The following TMEM117 variants were observed in gnomAD, a reference collection of about 807,000 sequenced individuals.
TMEM117 encodes the protein transmembrane protein 117.
A neutral mutation model predicts 52.4 loss-of-function variants in TMEM117; 27 were observed. The observed-to-expected ratio is 0.51, with a 90% CI of 0.38 to 0.71. The LOEUF (loss-of-function observed/expected upper bound fraction) is 0.71, where lower values mean the gene tolerates loss of function less well. Among genes scored for constraint, TMEM117 ranks in the 30% least tolerant of loss-of-function variants. TMEM117 has a pLI of 0.00. For missense variants in TMEM117, 556 were observed against 630.5 expected (o/e 0.88, Z 1.26); for synonymous variants, 215 against 206.3 (o/e 1.04, Z -0.36).
At chr12:44,065,490 C>G (rs931771361) in intron 3 of TMEM117, among the ~76,000 whole-genome samples, 13 of 152,122 alleles carry the variant, frequency 8.5e-5, no homozygotes, top group Non-Finnish European at 1.8e-4. Flanking sequence ...TCCTTAGTAC[C>G]TAGTACAGTT....
chr12:44,233,891 C>A (rs1282662122), intron 5 of TMEM117, among the ~76,000 whole-genome samples: 1 of 151,364 alleles, frequency 6.6e-6, no homozygotes, highest in Admixed American at 6.6e-5. Context: ...ATTAACAGTG[C>A]ATTTATGAAC....
At chr12:43,857,313 C>CT (rs10625731) in intron 2 of TMEM117, among the ~76,000 whole-genome samples, 7,309 of 147,998 alleles carry the variant, frequency 0.049, 389 homozygotes, top group African/African-American at 0.13. Flanking sequence ...TTTCTAGGTA[C>CT]TTTTTTTTTT....
intron 5 of TMEM117, among the ~76,000 whole-genome samples, chr12:44,262,432 G>T (rs923260431): frequency 6.6e-6 from 1 of 152,210 alleles, no homozygotes; most frequent in Non-Finnish European, 1.5e-5. Context: ...AAACAGAGAA[G>T]TCTGTTCATT....
chr12:44,328,988 G>A (rs1408372680), intron 6 of TMEM117, among the ~76,000 whole-genome samples: 1 of 151,632 alleles, frequency 6.6e-6, no homozygotes, highest in South Asian at 2.1e-4. Flanking sequence ...GATGCCACAT[G>A]GGTCGCAGAA....
chr12:43,946,827 G>T (rs1275120804), intron 3 of TMEM117, among the ~76,000 whole-genome samples: 1 of 152,140 alleles, frequency 6.6e-6, no homozygotes, highest in African/African-American at 2.4e-5. Context: ...AGAATAGTTA[G>T]CCTAGAATTT....
Position 44,308,769 on chromosome 12 carries a change from G to A in TMEM117, c.768+9030G>A, listed in dbSNP as rs191721984. Among the ~76,000 whole-genome samples the A allele has an allele frequency of 5.9e-5, 9 of 152,184 alleles. No individual in the cohort carries two copies. In the East Asian group the frequency reaches 1.4e-3, roughly 23 times the overall value. On this transcript the variant is annotated intron_variant, in intron 6 of 7. Coordinates refer to ENST00000266534, the MANE Select transcript of TMEM117 (RefSeq NM_032256.3). Reference sequence around the variant, plus strand: ...CCAGTAGCTGGGACTACAGGCGCCTGCCACCGCGCCCGGCTAATTTTTTGT... The same window carrying A: ...CCAGTAGCTGGGACTACAGGCGCCTACCACCGCGCCCGGCTAATTTTTTGT...
chr12:43,960,293 G>A (rs904605457), intron 3 of TMEM117, among the ~76,000 whole-genome samples: 2 of 151,780 alleles, frequency 1.3e-5, no homozygotes, highest in Non-Finnish European at 2.9e-5. Flanking sequence ...GCCCTGGAGA[G>A]GGGGGTTGAG....
chr12:43,921,867 T>C (rs1469793119), intron 2 of TMEM117, among the ~76,000 whole-genome samples: 5 of 152,062 alleles, frequency 3.3e-5, no homozygotes, highest in Non-Finnish European at 7.4e-5. Context: ...ATTCTTTCCA[T>C]TCCACTGACT....
intron 5 of TMEM117, among the ~76,000 whole-genome samples, chr12:44,265,249 A>C (rs550986939): frequency 1.3e-5 from 2 of 152,198 alleles, no homozygotes; most frequent in Non-Finnish European, 2.9e-5. Context: ...CCAGAAACAA[A>C]GGAAGGGCCA....
At chr12:44,004,710 A>C (rs969390650) in intron 3 of TMEM117, among the ~76,000 whole-genome samples, 21 of 152,112 alleles carry the variant, frequency 1.4e-4, no homozygotes, top group African/African-American at 5.1e-4. Flanking sequence ...TAAGAGCATA[A>C]ATATTGTCTA....
intron 5 of TMEM117, among the ~76,000 whole-genome samples, chr12:44,277,414 T>TA (rs574183369): frequency 1.1e-4 from 16 of 151,338 alleles, no homozygotes; most frequent in Middle Eastern, 3.4e-3. Flanking sequence ...TTTGATATCT[T>TA]AAAAAAAAAG....
chr12:43,996,591 T>C (rs1592425378), intron 3 of TMEM117, among the ~76,000 whole-genome samples: 2 of 151,890 alleles, frequency 1.3e-5, no homozygotes, highest in East Asian at 3.9e-4. Context: ...TGCAGTGAGC[T>C]GAGATCACGC....
intron 5 of TMEM117, among the ~76,000 whole-genome samples, chr12:44,230,806 T>C (rs563741078): frequency 6.6e-6 from 1 of 152,180 alleles, no homozygotes; most frequent in South Asian, 2.1e-4. Flanking sequence ...CTCTTTGACA[T>C]TCTTTGCTCT....
At chr12:44,051,345 A>G (rs1054929785) in intron 3 of TMEM117, among the ~76,000 whole-genome samples, 1 of 152,224 alleles carries the variant, frequency 6.6e-6, no homozygotes, top group African/African-American at 2.4e-5. Context: ...GACGATATCC[A>G]CATCTGTTCT....
chr12:44,267,211 C>T (rs547925750), intron 5 of TMEM117, among the ~76,000 whole-genome samples: 4 of 151,524 alleles, frequency 2.6e-5, no homozygotes, highest in African/African-American at 7.3e-5. Flanking sequence ...TGTAATTTTC[C>T]GTGTATGGGC....
At chr12:44,071,506 T>A (rs1947301736) in intron 3 of TMEM117, among the ~76,000 whole-genome samples, 1 of 152,224 alleles carries the variant, frequency 6.6e-6, no homozygotes, top group Non-Finnish European at 1.5e-5. Context: ...TATAACAACG[T>A]GTGAAAGATG....
chr12:44,069,443 T>G (rs942504674), intron 3 of TMEM117, among the ~76,000 whole-genome samples: 1 of 151,988 alleles, frequency 6.6e-6, no homozygotes, highest in Non-Finnish European at 1.5e-5. Flanking sequence ...TGTTCCAAAT[T>G]GAAGAATCAG....
At chr12:44,277,744 C>T (rs908410645) in intron 5 of TMEM117, among the ~76,000 whole-genome samples, 2 of 150,022 alleles carry the variant, frequency 1.3e-5, no homozygotes, top group Admixed American at 6.7e-5. Flanking sequence ...CTGCCACTAG[C>T]CAGACAAAAC....
In TMEM117 at chr12:44,389,063, T is replaced by TTA; in HGVS notation, c.*391_*392insTA. On this transcript the variant is annotated 3_prime_UTR_variant, in exon 8 of 8. Coordinates refer to ENST00000266534, the MANE Select transcript of TMEM117 (RefSeq NM_032256.3). ...TAACCTATTTCACATGGGCGTTTTG[T>TTA]ATACAACTATTTTGATCTACACTTG... 1 of 154,070 alleles carries TTA rather than the reference T, an allele frequency of 6.5e-6. No homozygotes were observed. Among genetic ancestry groups the TTA allele is most frequent in the Non-Finnish European group, 1.4e-5 (1 of 69,926 alleles). 9.5% of individuals were successfully genotyped at this position (154,070 alleles called of 1,614,324 possible).
Sources: allele counts gnomAD v4.1 joint callset (sites outside exome capture counted in the v4.1 genomes callset), GRCh38; gene constraint gnomAD v4.1.1; transcripts MANE v1.5; gene names NCBI Gene and HGNC (gene_info 2026-07-23, HGNC 2026-07-21).